STX8: variants seen among roughly 807,000 people sequenced by gnomAD.
The protein encoded by STX8 is syntaxin 8, also known as syntaxin-8.
Under a neutral mutation model 37.5 loss-of-function variants are expected in STX8, and 23 were observed. The ratio of observed to expected loss-of-function variants is 0.61; its 90% confidence interval spans 0.44 to 0.87. The LOEUF (loss-of-function observed/expected upper bound fraction) is 0.87. Among genes scored for constraint, STX8 ranks in the 40% least tolerant of loss-of-function variants. The probability of loss-of-function intolerance (pLI) is 0.00; values close to 1 mark genes in which losing one functional copy is unlikely to be tolerated. For missense variants in STX8, 313 were observed against 284.7 expected (o/e 1.10, Z -0.71); for synonymous variants, 115 against 99.1 (o/e 1.16, Z -0.95).
At chr17:9,338,048 ATTTTTTT>A (rs972471091) in intron 7 of STX8, among the ~76,000 whole-genome samples, 7 of 107,898 alleles carry the variant, frequency 6.5e-5, no homozygotes, top group African/African-American at 1.5e-4. Context: ...CCTCTGAAGG[ATTTTTTT>A]TTTTTTTTTT....
At chr17:9,411,231 T>C (rs969049553) in intron 6 of STX8, among the ~76,000 whole-genome samples, 1 of 152,230 alleles carries the variant, frequency 6.6e-6, no homozygotes, top group African/African-American at 2.4e-5. Context: ...TGAACTTTTC[T>C]CTCTGACCTA....
chr17:9,484,590 T>C (rs1404983210), intron 6 of STX8, among the ~76,000 whole-genome samples: 4 of 147,470 alleles, frequency 2.7e-5, no homozygotes, highest in African/African-American at 1.0e-4. Context: ...CTGAGGTGGG[T>C]AGATTGCCTG....
At chr17:9,311,666 T>G (rs1304901609) in intron 7 of STX8, among the ~76,000 whole-genome samples, 1 of 152,194 alleles carries the variant, frequency 6.6e-6, no homozygotes, top group African/African-American at 2.4e-5. Flanking sequence ...ACTAGCTGTG[T>G]GGCCTTGGGT....
intron 5 of STX8, among the ~76,000 whole-genome samples, chr17:9,499,123 A>G (rs1314392542): frequency 6.6e-6 from 1 of 152,178 alleles, no homozygotes; most frequent in Non-Finnish European, 1.5e-5. Flanking sequence ...GTAAACTGTA[A>G]TTTTGGGATG....
At chr17:9,340,554 A>C (rs1383843616) in intron 7 of STX8, among the ~76,000 whole-genome samples, 1 of 152,166 alleles carries the variant, frequency 6.6e-6, no homozygotes, top group Admixed American at 6.5e-5. Flanking sequence ...GATTTTCCAG[A>C]AAATCTACTC....
intron 6 of STX8, among the ~76,000 whole-genome samples, chr17:9,409,847 C>G (rs1912924114): frequency 6.6e-6 from 1 of 152,186 alleles, no homozygotes; most frequent in Non-Finnish European, 1.5e-5. Flanking sequence ...TTAGTGAAAA[C>G]TAAAACAGTC....
chr17:9,369,655 G>A (rs185760349), intron 7 of STX8, among the ~76,000 whole-genome samples: 37 of 152,206 alleles, frequency 2.4e-4, no homozygotes, highest in Admixed American at 2.0e-3. Context: ...ACTTTGGGAG[G>A]CTGAGGCAGG....
At chr17:9,474,384 T>A (rs959189913) in intron 6 of STX8, among the ~76,000 whole-genome samples, 1 of 152,160 alleles carries the variant, frequency 6.6e-6, no homozygotes, top group Non-Finnish European at 1.5e-5. Flanking sequence ...TTTTTTTCTT[T>A]CTTTTTGAGA....
chr17:9,312,250 G>A (rs1193648022), intron 7 of STX8, among the ~76,000 whole-genome samples: 1 of 151,548 alleles, frequency 6.6e-6, no homozygotes, highest in Non-Finnish European at 1.5e-5. Flanking sequence ...TGTCCAGGCT[G>A]GAGTGCAGTG....
intron 6 of STX8, among the ~76,000 whole-genome samples, chr17:9,384,794 T>TGTGTGTGTGTGTGTG (rs1911932769): frequency 1.4e-5 from 2 of 147,752 alleles, no homozygotes; most frequent in Middle Eastern, 3.6e-3. Context: ...CCAGATAGAC[T>TGTGTGTGTGTGTGTG]TGTGTGTGTG....
At position 9,575,710 on chromosome 17, in the gene STX8, A is replaced by G. The variant is rs111658414; in HGVS notation, c.17+82T>C. On this transcript the variant is annotated intron_variant, in intron 1 of 7. Transcript: ENST00000306357. ...TCATCCCGAAAGGCCACCAGCGGCAATGCGAAGTGATTGCCTGCTCTCCGG... is the reference window on the plus strand; with the variant it reads ...TCATCCCGAAAGGCCACCAGCGGCAGTGCGAAGTGATTGCCTGCTCTCCGG... The G allele has an allele frequency of 3.9e-3, 5,894 of 1,513,126 alleles. 116 individuals carry two copies. The African/African-American group carries it at 0.052, about 13-fold the overall frequency. 93.7% of individuals were successfully genotyped at this position (1,513,126 alleles called of 1,614,324 possible).
intron 6 of STX8, among the ~76,000 whole-genome samples, chr17:9,437,230 C>T (rs899477390): frequency 4.6e-5 from 7 of 152,210 alleles, no homozygotes; most frequent in Non-Finnish European, 8.8e-5. Flanking sequence ...TCTAAATGCG[C>T]TCTGGTCTCC....
intron 7 of STX8, among the ~76,000 whole-genome samples, chr17:9,276,351 TTC>T (rs1434374289): frequency 5.3e-5 from 8 of 152,258 alleles, no homozygotes; most frequent in African/African-American, 1.9e-4. Context: ...ATGTGAGTGA[TTC>T]TGTTTCATTT....
At chr17:9,288,667 A>G (rs1908191140) in intron 7 of STX8, among the ~76,000 whole-genome samples, 1 of 150,304 alleles carries the variant, frequency 6.7e-6, no homozygotes, top group South Asian at 2.1e-4. Context: ...GTCTCGAAAT[A>G]AATAAATAAA....
intron 6 of STX8, among the ~76,000 whole-genome samples, chr17:9,457,125 T>G (rs1466846640): frequency 1.3e-5 from 2 of 152,228 alleles, no homozygotes; most frequent in Non-Finnish European, 2.9e-5. Context: ...CAAGCAGCCA[T>G]CATTCTTTCC....
chr17:9,441,837 G>C, intron 6 of STX8, among the ~76,000 whole-genome samples: 1 of 151,738 alleles, frequency 6.6e-6, no homozygotes. Context: ...CACCACGCCC[G>C]GCTAATTTTT....
At chr17:9,325,368 G>A (rs925123513) in intron 7 of STX8, among the ~76,000 whole-genome samples, 1 of 152,154 alleles carries the variant, frequency 6.6e-6, no homozygotes, top group African/African-American at 2.4e-5. Context: ...TATAAGGTAT[G>A]TATAGTGTAT....
chr17:9,367,857 A>C (rs1911276692), intron 7 of STX8, among the ~76,000 whole-genome samples: 1 of 152,026 alleles, frequency 6.6e-6, no homozygotes, highest in South Asian at 2.1e-4. Context: ...CAGCCTCCCT[A>C]ATAGCTGGGA....
chr17:9,436,524 T>C (rs8071502), intron 6 of STX8, among the ~76,000 whole-genome samples: 9,155 of 152,100 alleles, frequency 0.06, 789 homozygotes, highest in African/African-American at 0.19. Flanking sequence ...ACAAAAATAC[T>C]GGTGAGGGTA....
Sources: allele counts gnomAD v4.1 joint callset (sites outside exome capture counted in the v4.1 genomes callset), GRCh38; gene constraint gnomAD v4.1.1; transcripts MANE v1.5; gene names NCBI Gene and HGNC (gene_info 2026-07-23, HGNC 2026-07-21).